Variants in NEMP2 observed in about 807,000 individuals in gnomAD.
NEMP2 encodes the protein nuclear envelope integral membrane protein 2.
NEMP2 carries 53 observed loss-of-function variants against 54.2 expected under a neutral mutation model. That is an observed-to-expected ratio of 0.98 (90% CI 0.78 to 1.23). The LOEUF (loss-of-function observed/expected upper bound fraction) is 1.23, where lower values mean the gene tolerates loss of function less well. Ranked by LOEUF, NEMP2 falls within the 50% of genes most tolerant of loss-of-function variation. The probability of loss-of-function intolerance (pLI) is 0.00; values close to 1 mark genes in which losing one functional copy is unlikely to be tolerated. For missense variants in NEMP2, 455 were observed against 511.3 expected, an observed-to-expected ratio of 0.89 and a Z score of 1.06; for synonymous variants, 197 against 190.3, an observed-to-expected ratio of 1.04 and a Z score of -0.29.
the NEMP2 span, among the ~76,000 whole-genome samples, chr2:190,544,548 T>C: frequency 0.28 from 42,120 of 151,976 alleles, 6,626 homozygotes; most frequent in East Asian, 0.46. Context: ...AGGTCTGATA[T>C]ATAGCTTGGG....
At position 190,512,718 on chromosome 2, in the gene NEMP2, T is replaced by G. The variant is rs1243181585; in HGVS notation, c.953+1735A>C. Among the ~76,000 whole-genome samples the G allele has an allele frequency of 6.6e-6, 1 of 152,192 alleles. No individual in the cohort carries two copies. The highest frequency in any genetic ancestry group is 1.5e-5 in the Non-Finnish European group (1 of 68,032). ...CAAAGGGCCAGGGACCTGGAAGATG[T>G]TGGGGGACCAGCCTCACTGACAAAA... is the stretch of plus-strand genomic sequence containing the variant. On this transcript the variant is annotated intron_variant, in intron 7 of 8. Coordinates refer to ENST00000409150, the MANE Select transcript of NEMP2 (RefSeq NM_001142645.2). This position sits in a 1 kb window ranked among gnomAD's most constrained non-coding sequence, Gnocchi z 4.5.
chr2:190,471,596 A>G, the NEMP2 span, among the ~76,000 whole-genome samples: 3 of 152,268 alleles, frequency 2.0e-5, no homozygotes, highest in East Asian at 5.8e-4. The surrounding 1 kb of genome is among the most constrained non-coding windows in gnomAD (Gnocchi z 4.7). Context: ...AGCGGCTGGG[A>G]AGCTTGAACT....
At position 190,530,514 on chromosome 2, in the gene NEMP2, A is replaced by G. The variant is rs1691105850; in HGVS notation, c.97+4045T>C. Among the ~76,000 whole-genome samples the G allele has an allele frequency of 1.3e-5, 2 of 152,224 alleles. No homozygotes were observed. Among genetic ancestry groups the G allele is most frequent in the Admixed American group, 6.5e-5 (1 of 15,284 alleles). ...GGGCTATTTGGACTAGGCAAAAGAC[A>G]GTGATTGTCACAAGACTGTTATCAC... is the stretch of plus-strand genomic sequence containing the variant. On this transcript the variant is annotated intron_variant, in intron 1 of 8. Transcript: ENST00000409150. This position sits in a 1 kb window ranked among gnomAD's most constrained non-coding sequence, Gnocchi z 4.6.
the NEMP2 span, among the ~76,000 whole-genome samples, chr2:190,595,669 T>TA: frequency 6.6e-6 from 1 of 152,116 alleles, no homozygotes; most frequent in South Asian, 2.1e-4. The surrounding 1 kb of genome is among the most constrained non-coding windows in gnomAD (Gnocchi z 4.0). Context: ...CACTGGTCAT[T>TA]AGAGAAACGC....
At chr2:190,431,359 G>A in the NEMP2 span, among the ~76,000 whole-genome samples, 1 of 152,226 alleles carries the variant, frequency 6.6e-6, no homozygotes, top group South Asian at 2.1e-4. The surrounding 1 kb of genome is among the most constrained non-coding windows in gnomAD (Gnocchi z 4.4). Context: ...CAGGCAGCTG[G>A]GAGGTGGAGG....
At chr2:190,596,019 A>G in the NEMP2 span, among the ~76,000 whole-genome samples, 2 of 152,202 alleles carry the variant, frequency 1.3e-5, no homozygotes, top group Non-Finnish European at 2.9e-5. The surrounding 1 kb of genome is among the most constrained non-coding windows in gnomAD (Gnocchi z 5.1). Context: ...TCAATGATAG[A>G]CTAGATAAAG....
chr2:190,583,364 A>G, the NEMP2 span, among the ~76,000 whole-genome samples: 1 of 152,032 alleles, frequency 6.6e-6, no homozygotes, highest in African/African-American at 2.4e-5. Context: ...CTTGTTCTGA[A>G]TTGGTGATTT....
At chr2:190,436,553 A>G in the NEMP2 span, 2 of 1,614,252 alleles carry the variant, frequency 1.2e-6, no homozygotes, top group Non-Finnish European at 1.7e-6. This position sits in a 1 kb window ranked among gnomAD's most constrained non-coding sequence, Gnocchi z 5.3. Flanking sequence ...GCAAGTCACC[A>G]GTTAACTATC....
chr2:190,429,456 G>C, the NEMP2 span, among the ~76,000 whole-genome samples: 1 of 151,822 alleles, frequency 6.6e-6, no homozygotes, highest in Non-Finnish European at 1.5e-5. Context: ...CTCCCAAGCA[G>C]CTGGGATTAC....
chr2:190,639,712 G>A, the NEMP2 span, among the ~76,000 whole-genome samples: 4 of 151,262 alleles, frequency 2.6e-5, no homozygotes, highest in African/African-American at 4.9e-5. Flanking sequence ...GCAGTGGCAC[G>A]ATCTCAGCTT....
the NEMP2 span, among the ~76,000 whole-genome samples, chr2:190,558,988 C>T: frequency 6.6e-6 from 1 of 152,120 alleles, no homozygotes; most frequent in African/African-American, 2.4e-5. This position sits in a 1 kb window ranked among gnomAD's most constrained non-coding sequence, Gnocchi z 4.4. Context: ...TCTAGAAAAG[C>T]TAATGTGATT....
chr2:190,497,619 G>A, the NEMP2 span: 10 of 1,614,120 alleles, frequency 6.2e-6, no homozygotes, highest in Non-Finnish European at 8.5e-6. This position sits in a 1 kb window ranked among gnomAD's most constrained non-coding sequence, Gnocchi z 5.2. Flanking sequence ...TGGGGAGTCA[G>A]CTCTTCTCCC....
the NEMP2 span, among the ~76,000 whole-genome samples, chr2:190,434,623 G>A: frequency 6.6e-6 from 1 of 152,024 alleles, no homozygotes; most frequent in Non-Finnish European, 1.5e-5. This position sits in a 1 kb window ranked among gnomAD's most constrained non-coding sequence, Gnocchi z 4.3. Context: ...TAGTAGAAAC[G>A]GGGTTTCACC....
chr2:190,438,513 C>T, the NEMP2 span, among the ~76,000 whole-genome samples: 1 of 152,184 alleles, frequency 6.6e-6, no homozygotes, highest in Non-Finnish European at 1.5e-5. The surrounding 1 kb of genome is among the most constrained non-coding windows in gnomAD (Gnocchi z 5.2). Context: ...GAGACTCCAT[C>T]TAAAAAAAGA....
Position 190,510,490 on chromosome 2 carries a change from A to G in NEMP2, c.1001T>C (p.Leu334Pro), listed in dbSNP as rs1690321435. 2 of 1,551,964 alleles carry G rather than the reference A, an allele frequency of 1.3e-6. No individual in the cohort carries two copies. Among genetic ancestry groups the G allele is most frequent in the Non-Finnish European group, 8.7e-7 (1 of 1,147,064 alleles). ...FTSKELVVKY[L>P]TEDEYREQAD... ...TTGCTCCCTGTACTCGTCTTCCGTA[A>G]GATATTTCACCACCAGCTCTTTTGA... is the stretch of plus-strand genomic sequence containing the variant. The change falls in exon 8 of 9, where the codon CTT becomes CCT. Residue 334 changes from leucine (L) to proline (P), a missense_variant. By Grantham distance (98) the Leu-to-Pro change is moderately conservative. Coordinates refer to ENST00000409150, the MANE Select transcript of NEMP2 (RefSeq NM_001142645.2). This position sits in a 1 kb window ranked among gnomAD's most constrained non-coding sequence, Gnocchi z 5.7.
rs1036929957 is a variant in NEMP2 at position 190,518,849 on chromosome 2, T to A, written c.446-41A>T. 2.2e-5 allele frequency: 34 copies of A among 1,523,432 alleles called. No individual in the cohort carries two copies. The Admixed American group carries it at 7.4e-4, about 33-fold the overall frequency. 94.4% of individuals were successfully genotyped at this position (1,523,432 alleles called of 1,614,324 possible). On this transcript the variant is annotated intron_variant, in intron 3 of 8. Transcript: ENST00000409150. ...CACACAAACACATAACAAAGATTTT[T>A]TATCAATGTAATGTTGGTAAAAGAA...
At chr2:190,517,162 G>T (rs1254813304) in intron 5 of NEMP2, among the ~76,000 whole-genome samples, 1 of 150,744 alleles carries the variant, frequency 6.6e-6, no homozygotes. Flanking sequence ...AGATGTAGCA[G>T]TGCTGTTATT....
the NEMP2 span, among the ~76,000 whole-genome samples, chr2:190,639,650 T>G: frequency 4.8e-5 from 7 of 145,638 alleles, 1 homozygote; most frequent in African/African-American, 1.7e-4. Context: ...TTTTTTTTTG[T>G]TTTTTGTTTT....
the NEMP2 span, among the ~76,000 whole-genome samples, chr2:190,576,636 G>C: frequency 6.7e-6 from 1 of 150,272 alleles, no homozygotes; most frequent in African/African-American, 2.4e-5. Flanking sequence ...GTGGGGCGGG[G>C]GGGGATCTGG....
Sources: gnomAD v4.1 joint callset for allele counts (sites outside exome capture counted in the v4.1 genomes callset) on GRCh38, gnomAD v4.1.1 for gene constraint, Gnocchi (gnomAD v3.1) non-coding constraint, MANE v1.5 for transcripts, NCBI Gene and HGNC (gene_info 2026-07-23, HGNC 2026-07-21) for gene names.